The following KCNIP4 variants were observed in gnomAD, a reference collection of about 807,000 sequenced individuals.
The protein encoded by KCNIP4 is potassium voltage-gated channel interacting protein 4, also known as Kv channel-interacting protein 4.
Under a neutral mutation model 34.0 loss-of-function variants are expected in KCNIP4, and 12 were observed. The ratio of observed to expected loss-of-function variants is 0.35; its 90% CI spans 0.23 to 0.57. The LOEUF is 0.57. Ranked by LOEUF, KCNIP4 falls within the 20% of genes least tolerant of loss-of-function variation. KCNIP4 has a pLI of 0.83. For synonymous variants in KCNIP4, 124 were observed against 102.2 expected, an observed-to-expected ratio of 1.21 and a Z score of -1.29; for missense variants, 238 against 311.7, an observed-to-expected ratio of 0.76 and a Z score of 1.78.
intron 1 of KCNIP4, among the ~76,000 whole-genome samples, chr4:21,145,908 G>T (rs771470093): frequency 3.3e-5 from 5 of 152,168 alleles, no homozygotes; most frequent in Admixed American, 6.5e-5. Context: ...GGTCTACACT[G>T]CAAATTTGCC....
chr4:21,219,236 C>T (rs1369170848), intron 1 of KCNIP4, among the ~76,000 whole-genome samples: 1 of 152,028 alleles, frequency 6.6e-6, no homozygotes, highest in Admixed American at 6.6e-5. Flanking sequence ...GTAAGCTGAC[C>T]CTGCTGTTAG....
chr4:21,287,583 G>A (rs1052505406), intron 1 of KCNIP4, among the ~76,000 whole-genome samples: 3 of 152,178 alleles, frequency 2.0e-5, no homozygotes, highest in Non-Finnish European at 2.9e-5. Context: ...ACACAGGTAA[G>A]TTAATTTACG....
chr4:21,049,311 C>G (rs576866135), intron 1 of KCNIP4, among the ~76,000 whole-genome samples: 20 of 152,206 alleles, frequency 1.3e-4, no homozygotes, highest in African/African-American at 4.8e-4. Flanking sequence ...TACATAGTTA[C>G]CCTCCAAATC....
chr4:20,823,742 T>C (rs184907736), intron 3 of KCNIP4, among the ~76,000 whole-genome samples: 5 of 152,360 alleles, frequency 3.3e-5, no homozygotes, highest in Admixed American at 2.6e-4. Context: ...CTCCATAGTA[T>C]TCTTTTATAG....
intron 1 of KCNIP4, among the ~76,000 whole-genome samples, chr4:21,529,102 A>G (rs1441489628): frequency 2.6e-5 from 4 of 152,230 alleles, no homozygotes; most frequent in Middle Eastern, 3.4e-3. Context: ...TTTTTGAATT[A>G]GGAGAATGAA....
At chr4:21,306,833 T>C (rs1475079338) in intron 1 of KCNIP4, among the ~76,000 whole-genome samples, 1 of 151,978 alleles carries the variant, frequency 6.6e-6, no homozygotes, top group Non-Finnish European at 1.5e-5. Flanking sequence ...TTTTTTTTTT[T>C]TCTTGAGATG....
chr4:21,070,463 A>T (rs1487174937), intron 1 of KCNIP4, among the ~76,000 whole-genome samples: 1 of 151,542 alleles, frequency 6.6e-6, no homozygotes, highest in African/African-American at 2.4e-5. Context: ...CCATTGTCAC[A>T]GTTTTTACTT....
At chr4:21,027,837 A>T (rs1039826265) in intron 1 of KCNIP4, among the ~76,000 whole-genome samples, 10 of 152,012 alleles carry the variant, frequency 6.6e-5, no homozygotes, top group Admixed American at 2.0e-4. Context: ...TTTGTTTTTT[A>T]AAAAAATCTT....
intron 3 of KCNIP4, among the ~76,000 whole-genome samples, chr4:20,800,830 C>T (rs1406997147): frequency 6.6e-6 from 1 of 151,986 alleles, no homozygotes; most frequent in African/African-American, 2.4e-5. Flanking sequence ...ATGAGATTTT[C>T]AGGACAAGAG....
chr4:21,141,337 C>T (rs1368642), intron 1 of KCNIP4, among the ~76,000 whole-genome samples: 84,744 of 151,922 alleles, frequency 0.56, 24,528 homozygotes, highest in African/African-American at 0.71. Flanking sequence ...TCTGGACAAA[C>T]AGACTGTGAG....
At chr4:21,119,999 G>A (rs1294157654) in intron 1 of KCNIP4, among the ~76,000 whole-genome samples, 2 of 152,148 alleles carry the variant, frequency 1.3e-5, no homozygotes, top group African/African-American at 4.8e-5. Flanking sequence ...GAGACTCCTG[G>A]GAAGGGAAGA....
At chr4:21,579,482 A>T (rs1741033870) in intron 1 of KCNIP4, among the ~76,000 whole-genome samples, 1 of 152,182 alleles carries the variant, frequency 6.6e-6, no homozygotes, top group African/African-American at 2.4e-5. Context: ...TTATTTGTAA[A>T]CTGCTTGCTA....
At chr4:20,887,959 C>G (rs958801483) in intron 1 of KCNIP4, among the ~76,000 whole-genome samples, 1 of 151,770 alleles carries the variant, frequency 6.6e-6, no homozygotes. Flanking sequence ...GGGGGAGGGT[C>G]AATGGAATTT....
At chr4:20,941,318 G>A (rs1731616145) in intron 1 of KCNIP4, among the ~76,000 whole-genome samples, 2 of 152,142 alleles carry the variant, frequency 1.3e-5, no homozygotes, top group African/African-American at 2.4e-5. Flanking sequence ...TACTTGACTG[G>A]TTGCCAAAGT....
At chr4:21,473,172 T>C (rs902271837) in intron 1 of KCNIP4, among the ~76,000 whole-genome samples, 3 of 152,150 alleles carry the variant, frequency 2.0e-5, no homozygotes, top group African/African-American at 7.2e-5. Flanking sequence ...TACCCTACAA[T>C]AGGGCAAATG....
At chr4:21,803,182 G>C (rs149056680) in intron 1 of KCNIP4, among the ~76,000 whole-genome samples, 2,006 of 152,244 alleles carry the variant, frequency 0.013, 32 homozygotes, top group Non-Finnish European at 0.018. Flanking sequence ...GCCGGTAAAT[G>C]TCACGACATC....
chr4:21,848,182 G>A (rs1030911942), intron 1 of KCNIP4: 5 of 152,072 alleles, frequency 3.3e-5, no homozygotes, highest in African/African-American at 1.2e-4. Flanking sequence ...TGTGCTTCTT[G>A]AAAAATAAAC....
intron 5 of KCNIP4, among the ~76,000 whole-genome samples, chr4:20,748,344 G>T (rs535493993): frequency 6.6e-6 from 1 of 151,788 alleles, no homozygotes; most frequent in South Asian, 2.1e-4. Flanking sequence ...CCCATTCCAA[G>T]CCTTTGTTCT....
intron 1 of KCNIP4, among the ~76,000 whole-genome samples, chr4:21,108,711 T>C (rs1344433737): frequency 1.3e-5 from 2 of 151,674 alleles, no homozygotes; most frequent in Non-Finnish European, 2.9e-5. Context: ...GCTCTGTTTT[T>C]TCCCCATCTT....
Sources: gnomAD v4.1 joint callset for allele counts (sites outside exome capture counted in the v4.1 genomes callset) on GRCh38, gnomAD v4.1.1 for gene constraint, MANE v1.5 for transcripts, NCBI Gene and HGNC (gene_info 2026-07-23, HGNC 2026-07-21) for gene names.